ROMO1: variants seen among roughly 807,000 people sequenced by gnomAD.
The protein encoded by ROMO1 is reactive oxygen species modulator 1.
In ROMO1, 8 loss-of-function variants were observed where a neutral mutation model predicts 7.4. The ratio of observed to expected loss-of-function variants is 1.08; its 90% CI spans 0.63 to 1.95. ROMO1 has a LOEUF of 1.95. Among genes scored for constraint, ROMO1 ranks in the 30% most tolerant of loss-of-function variants. The pLI, the probability that ROMO1 is intolerant of heterozygous loss-of-function variation, is 0.00. For synonymous variants in ROMO1, 43 were observed against 41.4 expected, an observed-to-expected ratio of 1.04 and a Z score of -0.15; for missense variants, 91 against 115.9, an observed-to-expected ratio of 0.79 and a Z score of 0.99.
chr20:35,699,764 G>A lies in ROMO1; in HGVS notation c.131+1G>A. The A allele has an allele frequency of 1.2e-6, 2 of 1,607,040 alleles. No homozygotes were observed. Among genetic ancestry groups the A allele is most frequent in the Non-Finnish European group, 1.7e-6 (2 of 1,179,126 alleles). ...TCTTCGGCACCTTTTCCTGTCTCAG[G>A]TGAGGGGCGCGGGCGGTGATCTCTG... On this transcript the variant is annotated splice_donor_variant, in intron 2 of 2. Transcript: ENST00000374077. LOFTEE classifies it high-confidence loss of function. The surrounding 1 kb of genome is among the most constrained non-coding windows in gnomAD (Gnocchi z 4.4).
chr20:35,699,552 G>A lies in ROMO1; in HGVS notation c.1-81G>A, dbSNP rs2035212931. On this transcript the variant is annotated intron_variant, in intron 1 of 2. Coordinates refer to ENST00000374077, the MANE Select transcript of ROMO1 (RefSeq NM_080748.3). This position sits in a 1 kb window ranked among gnomAD's most constrained non-coding sequence, Gnocchi z 4.4. ...TCCCTTACTTCCCCTGAGCCCTTGG[G>A]CCCACTTCCCAGCCTACCGCTTCCG... The A allele has an allele frequency of 1.9e-6, 3 of 1,581,320 alleles. No individual in the cohort carries two copies. The Admixed American group carries it at 5.1e-5, about 27-fold the overall frequency.
In ROMO1 at chr20:35,699,624, C is replaced by G. The variant is rs771108459; in HGVS notation, c.1-9C>G. ...AGCGCCTGGGCCCACACTTTCCTAT[C>G]CCCCGCAGATGCCGGTGGCCGTGGG... On this transcript the variant is annotated splice_polypyrimidine_tract_variant and intron_variant, in intron 1 of 2. Coordinates refer to ENST00000374077, the MANE Select transcript of ROMO1 (RefSeq NM_080748.3). This position sits in a 1 kb window ranked among gnomAD's most constrained non-coding sequence, Gnocchi z 4.4. The G allele has an allele frequency of 9.3e-6, 15 of 1,612,206 alleles. No individual in the cohort carries two copies. The highest frequency in any genetic ancestry group is 5.5e-5 in the South Asian group (5 of 91,096).
chr20:35,700,653 C>T (rs2035246748), intron 2 of ROMO1, 145 bp from the exon 3 acceptor site: 1 of 673,252 alleles, frequency 1.5e-6, no homozygotes, highest in Admixed American at 2.2e-5. Context: ...TTACCCACCC[C>T]AGGTAGTAAG....
Position 35,699,421 on chromosome 20 carries a change from G to T in ROMO1, c.-36G>T. 1 of 1,195,320 alleles carries T rather than the reference G, an allele frequency of 8.4e-7. No homozygotes were observed. The highest frequency in any genetic ancestry group is 1.1e-6 in the Non-Finnish European group (1 of 883,720). The allele number at this position is 1,195,320 out of a possible 1,614,324, so 74.0% of individuals were successfully genotyped here. A position where few individuals can be genotyped will look rare whatever the true frequency, so the allele number is the denominator to read the frequency against. ...CTCCCCGTCGTTTTCCGTGAGAGAC[G>T]TAGAGCTGAGCGACCCAGCCCGCGA... is the stretch of plus-strand genomic sequence containing the variant. On this transcript the variant is annotated 5_prime_UTR_variant, in exon 1 of 3. Coordinates refer to ENST00000374077, the MANE Select transcript of ROMO1 (RefSeq NM_080748.3). This position sits in a 1 kb window ranked among gnomAD's most constrained non-coding sequence, Gnocchi z 4.4.
intron 2 of ROMO1, among the ~76,000 whole-genome samples, chr20:35,700,014 G>A (rs1347186678): frequency 6.6e-6 from 1 of 152,218 alleles, no homozygotes; most frequent in African/African-American, 2.4e-5. Context: ...AGGCAAGTTG[G>A]AGACTGGGTT....
intron 2 of ROMO1, 114 bp from the exon 3 acceptor site, chr20:35,700,683 GA>G: frequency 2.6e-6 from 2 of 773,800 alleles, no homozygotes; most frequent in Non-Finnish European, 2.3e-6. Context: ...CCAGTAAGTG[GA>G]AAATCAGATG....
In ROMO1 at chr20:35,699,723, A is replaced by C; in HGVS notation, c.91A>C (p.Met31Leu). 1 of 1,612,946 alleles carries C rather than the reference A, an allele frequency of 6.2e-7. No homozygotes were observed. The highest frequency in any genetic ancestry group is 8.5e-7 in the Non-Finnish European group (1 of 1,179,924). The change falls in exon 2 of 3, where the codon ATG (methionine) becomes CTG (leucine). Residue 31 changes from methionine to leucine, a missense_variant. Coordinates refer to ENST00000374077, the MANE Select transcript of ROMO1 (RefSeq NM_080748.3). This position sits in a 1 kb window ranked among gnomAD's most constrained non-coding sequence, Gnocchi z 4.4. ...CTTCGTGATGGGTTGCGCCGTGGGC[A>C]TGGCGGCCGGGGCGCTCTTCGGCAC... ...MGFVMGCAVG[M>L]AAGALFGTFS...
Position 35,700,960 on chromosome 20 carries a change from A to G in ROMO1, c.*54A>G, listed in dbSNP as rs1601544564. 1 of 1,287,998 alleles carries G rather than the reference A, an allele frequency of 7.8e-7. No individual in the cohort carries two copies. Among genetic ancestry groups the G allele is most frequent in the Non-Finnish European group, 1.1e-6 (1 of 882,720 alleles). The allele number at this position is 1,287,998 out of a possible 1,614,324, so 79.8% of individuals were successfully genotyped here. A position where few individuals can be genotyped will look rare whatever the true frequency, so the allele number is the denominator to read the frequency against. Reference sequence around the variant, plus strand: ...CCCATCAATCCCAGCCCATGTACTAATAAAAGAAAGTCTTTGAGTAGTCAG... The same window carrying G: ...CCCATCAATCCCAGCCCATGTACTAGTAAAAGAAAGTCTTTGAGTAGTCAG... On this transcript the variant is annotated 3_prime_UTR_variant, in exon 3 of 3. Coordinates refer to ENST00000374077, the MANE Select transcript of ROMO1 (RefSeq NM_080748.3).
intron 2 of ROMO1, among the ~76,000 whole-genome samples, chr20:35,700,038 A>C (rs963548766): frequency 2.0e-5 from 3 of 152,236 alleles, no homozygotes; most frequent in Non-Finnish European, 4.4e-5. Flanking sequence ...TTAAGTGTAG[A>C]ATGAAGACAG....
Position 35,699,755 on chromosome 20 carries a change from C to T in ROMO1, c.123C>T (p.Ser41=), listed in dbSNP as rs574539035. The change falls in exon 2 of 3, where the codon TCC becomes TCT. Residue 41 remains serine (S), a synonymous_variant. Transcript: ENST00000374077. The surrounding 1 kb of genome is among the most constrained non-coding windows in gnomAD (Gnocchi z 4.4). ...MAAGALFGTF[S]CLRIGMRGRE... ...CCGGGGCGCTCTTCGGCACCTTTTC[C>T]TGTCTCAGGTGAGGGGCGCGGGCGG... 1.4e-5 allele frequency: 23 copies of T among 1,609,316 alleles called. No homozygotes were observed. Among genetic ancestry groups the T allele is most frequent in the Non-Finnish European group, 1.9e-5 (22 of 1,179,688 alleles).
chr20:35,700,868 G>C lies in ROMO1; in HGVS notation c.202G>C (p.Gly68Arg). The change falls in exon 3 of 3, where the codon GGC (glycine) becomes CGC (arginine). Residue 68 changes from glycine (G) to arginine (R), a missense_variant. By Grantham distance (125) the Gly-to-Arg change is moderately radical (BLOSUM62 -2). Coordinates refer to ENST00000374077, the MANE Select transcript of ROMO1 (RefSeq NM_080748.3). ...KTMMQSGGTF[G>R]TFMAIGMGIR... is the part of the protein sequence containing the mutation. Reference sequence around the variant, plus strand: ...CATGATGCAGAGTGGCGGCACCTTTGGCACATTCATGGCCATTGGGATGGG... The same window carrying C: ...CATGATGCAGAGTGGCGGCACCTTTCGCACATTCATGGCCATTGGGATGGG... 1 of 1,614,164 alleles carries C rather than the reference G, an allele frequency of 6.2e-7. No individual in the cohort carries two copies. Among genetic ancestry groups the C allele is most frequent in the Non-Finnish European group, 8.5e-7 (1 of 1,180,020 alleles).
Position 35,699,848 on chromosome 20 carries a change from T to G in ROMO1, c.131+85T>G. 1 of 1,485,348 alleles carries G rather than the reference T, an allele frequency of 6.7e-7. No individual in the cohort carries two copies. The highest frequency in any genetic ancestry group is 2.4e-5 in the East Asian group (1 of 41,710). The allele number at this position is 1,485,348 out of a possible 1,614,324, so 92.0% of individuals were successfully genotyped here. On this transcript the variant is annotated intron_variant, in intron 2 of 2. Transcript: ENST00000374077. The surrounding 1 kb of genome is among the most constrained non-coding windows in gnomAD (Gnocchi z 4.4). ...TTCGGCCTGGAGCCTGAACACAGCC[T>G]CCTTCTTTCGACTTCCCTCTCTGTC...
intron 2 of ROMO1, among the ~76,000 whole-genome samples, chr20:35,700,224 T>TAA (rs2035233823): frequency 6.6e-6 from 1 of 152,194 alleles, no homozygotes; most frequent in Non-Finnish European, 1.5e-5. Context: ...GATACAGAGA[T>TAA]AAAGCAGTTA....
rs1601541983 is a variant in ROMO1, at chr20:35,699,496, T to G, written c.-1+40T>G. 1 of 1,312,460 alleles carries G rather than the reference T, an allele frequency of 7.6e-7. No homozygotes were observed. Among genetic ancestry groups the G allele is most frequent in the Non-Finnish European group, 1.1e-6 (1 of 950,990 alleles). The allele number at this position is 1,312,460 out of a possible 1,614,324, so 81.3% of individuals were successfully genotyped here. Reference sequence around the variant, plus strand: ...ACGCGGGGCCGGAACGCGAAGAGGGTGGTGGAGTCGGGCTACCCACTGATT... The same window carrying G: ...ACGCGGGGCCGGAACGCGAAGAGGGGGGTGGAGTCGGGCTACCCACTGATT... On this transcript the variant is annotated intron_variant, in intron 1 of 2. Transcript: ENST00000374077. This position sits in a 1 kb window ranked among gnomAD's most constrained non-coding sequence, Gnocchi z 4.4.
rs751184177 is a variant in ROMO1 at position 35,699,805 on chromosome 20, C to T, written c.131+42C>T. 8.2e-6 allele frequency: 13 copies of T among 1,579,256 alleles called. No homozygotes were observed. In the South Asian group the frequency reaches 1.5e-4, roughly 18 times the overall value. Reference sequence around the variant, plus strand: ...GTGATCTCTGGGCAGGACAACCAGACCTTCCGGCCCTGCCCCATTCGGCCT... The same window carrying T: ...GTGATCTCTGGGCAGGACAACCAGATCTTCCGGCCCTGCCCCATTCGGCCT... On this transcript the variant is annotated intron_variant, in intron 2 of 2. Transcript: ENST00000374077. This position sits in a 1 kb window ranked among gnomAD's most constrained non-coding sequence, Gnocchi z 4.4.
At chr20:35,700,158 T>C (rs1405458048) in intron 2 of ROMO1, among the ~76,000 whole-genome samples, 8 of 152,184 alleles carry the variant, frequency 5.3e-5, no homozygotes, top group Non-Finnish European at 7.3e-5. Context: ...TATTTTTTTT[T>C]CCAATTGCGC....
At chr20:35,700,769 A>T (rs555815305) in intron 2 of ROMO1, 29 bp from the exon 3 acceptor site, 76 of 1,592,870 alleles carry the variant, frequency 4.8e-5, no homozygotes, top group Non-Finnish European at 6.2e-5. Flanking sequence ...TTTTGTTACC[A>T]AATAGCTCCA....
chr20:35,699,801 C>G lies in ROMO1; in HGVS notation c.131+38C>G. On this transcript the variant is annotated intron_variant, in intron 2 of 2. Transcript: ENST00000374077. The surrounding 1 kb of genome is among the most constrained non-coding windows in gnomAD (Gnocchi z 4.4). Reference sequence around the variant, plus strand: ...GGCGGTGATCTCTGGGCAGGACAACCAGACCTTCCGGCCCTGCCCCATTCG... The same window carrying G: ...GGCGGTGATCTCTGGGCAGGACAACGAGACCTTCCGGCCCTGCCCCATTCG... 1 of 1,586,324 alleles carries G rather than the reference C, an allele frequency of 6.3e-7. No individual in the cohort carries two copies. The highest frequency in any genetic ancestry group is 1.3e-5 in the African/African-American group (1 of 74,746).
chr20:35,700,526 G>A (rs952790454), intron 2 of ROMO1, among the ~76,000 whole-genome samples: 2 of 152,082 alleles, frequency 1.3e-5, no homozygotes, highest in Non-Finnish European at 2.9e-5. Context: ...AGTCAAAAAA[G>A]CTGGTTTCTC....
Sources: gnomAD v4.1 joint callset for allele counts (sites outside exome capture counted in the v4.1 genomes callset) on GRCh38, gnomAD v4.1.1 for gene constraint, Gnocchi (gnomAD v3.1) non-coding constraint, MANE v1.5 for transcripts, NCBI Gene and HGNC (gene_info 2026-07-23, HGNC 2026-07-21) for gene names.